IL1RAPL2: variants seen among roughly 807,000 people sequenced by gnomAD.
The protein encoded by IL1RAPL2 is X-linked interleukin-1 receptor accessory protein-like 2.
IL1RAPL2 carries 3 observed loss-of-function variants against 44.1 expected under a neutral mutation model. That is an observed-to-expected ratio of 0.07 (90% CI 0.03 to 0.18). The LOEUF (loss-of-function observed/expected upper bound fraction) is 0.18, where lower values mean the gene tolerates loss of function less well. Ranked by LOEUF, IL1RAPL2 falls within the 10% of genes least tolerant of loss-of-function variation. The pLI is 1.00. For missense variants in IL1RAPL2, 391 were observed against 496.4 expected, an observed-to-expected ratio of 0.79 and a Z score of 2.02; for synonymous variants, 181 against 178.8, an observed-to-expected ratio of 1.01 and a Z score of -0.10.
intron 2 of IL1RAPL2, among the ~76,000 whole-genome samples, chrX:105,125,442 A>G (rs1308713168): frequency 9.0e-6 from 1 of 111,067 alleles, no homozygotes; most frequent in African/African-American, 3.3e-5. Context: ...AATTCTGTCT[A>G]AATGGCTATT....
intron 5 of IL1RAPL2, among the ~76,000 whole-genome samples, chrX:105,273,391 A>G (rs2147659564): frequency 8.9e-6 from 1 of 111,742 alleles, no homozygotes; most frequent in Admixed American, 9.5e-5. Context: ...AAAGCAGGTC[A>G]TAGAAACCAG....
chrX:105,140,956 G>A (rs2033121058), intron 2 of IL1RAPL2, among the ~76,000 whole-genome samples: 1 of 111,173 alleles, frequency 9.0e-6, no homozygotes, highest in African/African-American at 3.3e-5. Flanking sequence ...GGTTGCAAGG[G>A]AATGACCTGG....
intron 2 of IL1RAPL2, among the ~76,000 whole-genome samples, chrX:105,187,596 T>A (rs1278713077): frequency 8.9e-6 from 1 of 111,842 alleles, no homozygotes; most frequent in Non-Finnish European, 1.9e-5. Context: ...TGGATGAACC[T>A]GGAGGATATT....
chrX:104,895,985 C>T (rs977820303), intron 2 of IL1RAPL2, among the ~76,000 whole-genome samples: 4 of 112,108 alleles, frequency 3.6e-5, no homozygotes, highest in African/African-American at 6.5e-5. Flanking sequence ...AGGCCTAGAC[C>T]TCCTCATTGC....
chrX:104,610,971 A>C (rs1256486452), intron 1 of IL1RAPL2, among the ~76,000 whole-genome samples: 1 of 111,528 alleles, frequency 9.0e-6, no homozygotes, highest in Non-Finnish European at 1.9e-5. Context: ...TGTTTGCCTC[A>C]GTATCACCAA....
chrX:104,722,366 G>A (rs189966580), intron 2 of IL1RAPL2, among the ~76,000 whole-genome samples: 13 of 111,589 alleles, frequency 1.2e-4, no homozygotes, highest in South Asian at 3.7e-4. Flanking sequence ...TGTCAAAAAT[G>A]TTTTTAGCTC....
chrX:104,803,564 C>G (rs1047021166), intron 2 of IL1RAPL2, among the ~76,000 whole-genome samples: 1 of 112,359 alleles, frequency 8.9e-6, no homozygotes, highest in Admixed American at 9.4e-5. Context: ...ATTCCCTTTG[C>G]TCATTCTGAC....
chrX:105,042,138 A>G (rs1436571961), intron 2 of IL1RAPL2, among the ~76,000 whole-genome samples: 2 of 111,392 alleles, frequency 1.8e-5, no homozygotes, highest in Admixed American at 1.9e-4. Context: ...AAGAAAACCT[A>G]GGCAATACCA....
intron 6 of IL1RAPL2, among the ~76,000 whole-genome samples, chrX:105,534,186 C>T (rs1468714501): frequency 1.8e-5 from 2 of 111,749 alleles, no homozygotes; most frequent in African/African-American, 3.3e-5. Flanking sequence ...TCAATTGTTA[C>T]ACTCTTAGGA....
intron 5 of IL1RAPL2, among the ~76,000 whole-genome samples, chrX:105,447,697 T>C (rs2035979051): frequency 1.2e-5 from 1 of 82,890 alleles, no homozygotes; most frequent in Non-Finnish European, 2.1e-5. Context: ...AATATAAATA[T>C]ATATAAATAT....
intron 5 of IL1RAPL2, among the ~76,000 whole-genome samples, chrX:105,297,478 G>A (rs181402490): frequency 2.7e-5 from 3 of 110,939 alleles, no homozygotes; most frequent in Non-Finnish European, 5.7e-5. Context: ...CTGCATGGCT[G>A]GGGGGTGCCT....
intron 5 of IL1RAPL2, among the ~76,000 whole-genome samples, chrX:105,411,034 G>T (rs765663123): frequency 8.9e-6 from 1 of 111,897 alleles, no homozygotes; most frequent in Admixed American, 9.5e-5. Context: ...TTATGTGGGA[G>T]GAGAGAAAAA....
At chrX:105,049,157 T>C (rs919397107) in intron 2 of IL1RAPL2, among the ~76,000 whole-genome samples, 1 of 105,138 alleles carries the variant, frequency 9.5e-6, no homozygotes, top group African/African-American at 3.8e-5. Context: ...TCTTACTACT[T>C]ATGGTTTTTT....
chrX:104,813,301 A>G (rs1921044244), intron 2 of IL1RAPL2, among the ~76,000 whole-genome samples: 1 of 111,339 alleles, frequency 9.0e-6, no homozygotes, highest in Non-Finnish European at 1.9e-5. Flanking sequence ...AGAGCAAGGA[A>G]TGCCTAAGGA....
rs756795434 is a variant in IL1RAPL2 at position 105,755,202 on chromosome X, C to A, written c.1218C>A (p.Leu406=). 8.3e-7 allele frequency: 1 copy of A among 1,200,749 alleles called. No homozygotes were observed. Among genetic ancestry groups the A allele is most frequent in the East Asian group, 3.0e-5 (1 of 33,739 alleles). Residue 406 remains leucine (L), a synonymous_variant, in exon 10 of 11, where the codon CTC becomes CTA. Transcript: ENST00000372582. The part of the protein sequence containing the change: ...NDDNKEYDAY[L]SYTKVDQDTL... ...ACAACAAGGAATATGATGCCTATCTCTCTTACACAAAAGTGGACCAAGATA... is the reference window on the plus strand; with the variant it reads ...ACAACAAGGAATATGATGCCTATCTATCTTACACAAAAGTGGACCAAGATA...
chrX:104,742,002 T>G (rs1180684335), intron 2 of IL1RAPL2, among the ~76,000 whole-genome samples: 1 of 111,244 alleles, frequency 9.0e-6, no homozygotes, highest in Non-Finnish European at 1.9e-5. Context: ...ATTCTTTCTA[T>G]GACTAAATAC....
chrX:105,763,705 C>G (rs926471705), intron 10 of IL1RAPL2, among the ~76,000 whole-genome samples: 1 of 110,759 alleles, frequency 9.0e-6, no homozygotes. Context: ...AATATGGAAG[C>G]TAGGGCACAG....
At chrX:104,845,898 C>T (rs1344532086) in intron 2 of IL1RAPL2, among the ~76,000 whole-genome samples, 2 of 111,561 alleles carry the variant, frequency 1.8e-5, no homozygotes, top group Non-Finnish European at 3.8e-5. Context: ...GGTCTGGTCT[C>T]CAGTGTGAAG....
chrX:104,607,969 G>C (rs1316797805), intron 1 of IL1RAPL2, among the ~76,000 whole-genome samples: 1 of 111,929 alleles, frequency 8.9e-6, no homozygotes. Context: ...GCAAAGACTT[G>C]TAACCAACCC....
Sources: allele counts gnomAD v4.1 joint callset (sites outside exome capture counted in the v4.1 genomes callset), GRCh38; gene constraint gnomAD v4.1.1; transcripts MANE v1.5; gene names NCBI Gene and HGNC (gene_info 2026-07-23, HGNC 2026-07-21).